Variants in ME1 observed in about 807,000 individuals in gnomAD.
ME1 encodes the protein malic enzyme 1, also known as NADP-dependent malic enzyme.
A neutral mutation model predicts 66.4 loss-of-function variants in ME1; 74 were observed. The observed-to-expected ratio is 1.11, with a 90% CI of 0.92 to 1.35. The LOEUF (loss-of-function observed/expected upper bound fraction) is 1.35. ME1 is among the 40% of genes most tolerant of loss of function. The pLI, the probability that ME1 is intolerant of heterozygous loss-of-function variation, is 0.00. For synonymous variants in ME1, 251 were observed against 235.6 expected, an observed-to-expected ratio of 1.07 and a Z score of -0.60; for missense variants, 750 against 694.1, an observed-to-expected ratio of 1.08 and a Z score of -0.90.
intron 6 of ME1, among the ~76,000 whole-genome samples, chr6:83,308,818 T>C (rs1249298556): frequency 6.6e-6 from 1 of 151,850 alleles, no homozygotes; most frequent in Non-Finnish European, 1.5e-5. Flanking sequence ...TATTTATAAA[T>C]GTATGAAAAG....
intron 3 of ME1, among the ~76,000 whole-genome samples, chr6:83,375,629 T>C (rs1052502434): frequency 1.3e-5 from 2 of 152,174 alleles, no homozygotes; most frequent in African/African-American, 2.4e-5. Context: ...TCCAATACTA[T>C]GTTGAATAGG....
At chr6:83,276,553 T>C (rs1767185968) in intron 6 of ME1, among the ~76,000 whole-genome samples, 1 of 152,312 alleles carries the variant, frequency 6.6e-6, no homozygotes, top group South Asian at 2.1e-4. Flanking sequence ...AGGAGTATGA[T>C]AATTTGCCAA....
intron 6 of ME1, among the ~76,000 whole-genome samples, chr6:83,261,954 C>T (rs1766899999): frequency 7.1e-6 from 1 of 140,290 alleles, no homozygotes; most frequent in Admixed American, 7.9e-5. Context: ...GTGGAGGTTG[C>T]AGTGAGCCGT....
intron 3 of ME1, among the ~76,000 whole-genome samples, chr6:83,352,743 C>T (rs1166468648): frequency 1.3e-5 from 2 of 152,164 alleles, no homozygotes; most frequent in African/African-American, 4.8e-5. Context: ...CCTACAAAAT[C>T]TTAACAAGTA....
chr6:83,374,506 C>T (rs1445134844), intron 3 of ME1, among the ~76,000 whole-genome samples: 1 of 152,098 alleles, frequency 6.6e-6, no homozygotes, highest in African/African-American at 2.4e-5. Context: ...AGACCTTTGT[C>T]AGATGGTAGA....
chr6:83,224,502 G>A (rs533326868), intron 11 of ME1, among the ~76,000 whole-genome samples: 19 of 151,664 alleles, frequency 1.3e-4, no homozygotes, highest in Non-Finnish European at 1.3e-4. Flanking sequence ...GGCCAACATG[G>A]TGAAACCCCA....
At chr6:83,217,127 G>C (rs1426417014) in intron 12 of ME1, among the ~76,000 whole-genome samples, 1 of 152,108 alleles carries the variant, frequency 6.6e-6, no homozygotes, top group Non-Finnish European at 1.5e-5. Context: ...CACCTAATTA[G>C]CCTCAACATT....
chr6:83,410,354 T>G (rs1052084529), intron 1 of ME1, among the ~76,000 whole-genome samples: 1 of 152,166 alleles, frequency 6.6e-6, no homozygotes, highest in Non-Finnish European at 1.5e-5. Context: ...CTCAAAAACC[T>G]GATTAGCATA....
intron 3 of ME1, among the ~76,000 whole-genome samples, chr6:83,353,555 T>TG (rs1768837634): frequency 6.6e-6 from 1 of 150,580 alleles, no homozygotes; most frequent in East Asian, 1.9e-4. Context: ...GTTGTTGTTG[T>TG]TGTGTGTGTG....
intron 3 of ME1, among the ~76,000 whole-genome samples, 200 bp downstream of exon 3, chr6:83,398,167 A>G (rs1016275164): frequency 2.6e-5 from 4 of 152,212 alleles, no homozygotes; most frequent in African/African-American, 9.6e-5. Context: ...AATGATATGA[A>G]TGTGAAATAA....
At chr6:83,340,915 C>G (rs1768567490) in intron 5 of ME1, among the ~76,000 whole-genome samples, 1 of 151,880 alleles carries the variant, frequency 6.6e-6, no homozygotes, top group Non-Finnish European at 1.5e-5. Flanking sequence ...TCTTATATTT[C>G]TATTTATTCT....
intron 5 of ME1, among the ~76,000 whole-genome samples, chr6:83,341,216 T>C (rs1768575206): frequency 6.6e-6 from 1 of 152,178 alleles, no homozygotes; most frequent in African/African-American, 2.4e-5. Flanking sequence ...TTCATATCCA[T>C]ACTGGAAGGG....
At chr6:83,292,855 C>T (rs182868745) in intron 6 of ME1, among the ~76,000 whole-genome samples, 88 of 152,254 alleles carry the variant, frequency 5.8e-4, no homozygotes, top group Admixed American at 2.6e-3. Context: ...CAATGGTGGA[C>T]GCCCCTCCCG....
At position 83,306,214 on chromosome 6, in the gene ME1, T is replaced by C. The variant is rs183850966; in HGVS notation, c.704+9096A>G. Among the ~76,000 whole-genome samples, 3 of 152,124 alleles carry C rather than the reference T, an allele frequency of 2.0e-5. No individual in the cohort carries two copies. In the East Asian group the frequency reaches 5.8e-4, roughly 29 times the overall value. On this transcript the variant is annotated intron_variant, in intron 6 of 13. Coordinates refer to ENST00000369705, the MANE Select transcript of ME1 (RefSeq NM_002395.6). The stretch of plus-strand genomic sequence containing the variant: ...AATTTATTATATGTGGGACTATAGA[T>C]GGAAAACAATAAGAAACACAAGCTT...
intron 6 of ME1, among the ~76,000 whole-genome samples, chr6:83,283,310 C>G (rs1035409876): frequency 3.3e-5 from 5 of 149,444 alleles, no homozygotes; most frequent in African/African-American, 1.2e-4. Context: ...TCTCAGCAAA[C>G]TAACACAGGA....
chr6:83,223,039 C>T (rs987363408), intron 12 of ME1, among the ~76,000 whole-genome samples: 2 of 152,228 alleles, frequency 1.3e-5, no homozygotes, highest in Non-Finnish European at 2.9e-5. Context: ...GAATAATAAA[C>T]ATGTCCACTA....
intron 5 of ME1, among the ~76,000 whole-genome samples, chr6:83,327,387 C>T (rs1170481): frequency 0.32 from 48,684 of 152,062 alleles, 8,172 homozygotes; most frequent in Middle Eastern, 0.49. Flanking sequence ...GAAATATCAC[C>T]GAATTCTTTT....
At chr6:83,392,684 C>T in intron 3 of ME1, 2 of 603,548 alleles carry the variant, frequency 3.3e-6, no homozygotes, top group Non-Finnish European at 6.3e-6. Flanking sequence ...TGGGGCAATG[C>T]TGGCACTGAG....
chr6:83,246,835 C>T (rs1006990715), intron 7 of ME1, among the ~76,000 whole-genome samples: 6 of 152,080 alleles, frequency 3.9e-5, no homozygotes, highest in South Asian at 2.1e-4. Context: ...TCAATGGATG[C>T]GAGTGCTCAT....
Sources: gnomAD v4.1 joint callset for allele counts (sites outside exome capture counted in the v4.1 genomes callset) on GRCh38, gnomAD v4.1.1 for gene constraint, MANE v1.5 for transcripts, NCBI Gene and HGNC (gene_info 2026-07-23, HGNC 2026-07-21) for gene names.